MFGE8: variants seen among roughly 807,000 people sequenced by gnomAD.
MFGE8 encodes lactadherin.
MFGE8 carries 34 observed loss-of-function variants against 42.6 expected under a neutral mutation model. The ratio of observed to expected loss-of-function variants is 0.80; its 90% CI spans 0.61 to 1.06. The LOEUF (loss-of-function observed/expected upper bound fraction) is 1.06, where lower values mean the gene tolerates loss of function less well. MFGE8 is among the 50% of genes least tolerant of loss of function. The probability of loss-of-function intolerance (pLI) is 0.00; values close to 1 mark genes in which losing one functional copy is unlikely to be tolerated. For missense variants in MFGE8, 510 were observed against 516.9 expected (o/e 0.99, Z 0.13); for synonymous variants, 230 against 214.8 (o/e 1.07, Z -0.62).
At chr15:88,912,322 G>A in intron 1 of MFGE8, 1 of 1,264,058 alleles carries the variant, frequency 7.9e-7, no homozygotes, top group Non-Finnish European at 1.0e-6. Context: ...GGCCGGGGAG[G>A]GCCAGGAGCT....
rs775954385 is a variant in MFGE8, at chr15:88,905,929, A to G, written c.541-28T>C. The stretch of plus-strand genomic sequence containing the variant: ...AGCAGGGAAGGGACAAGACTGGAGA[A>G]GGGGGTCCATCTGAGCAGTCCCCCT... On this transcript the variant is annotated intron_variant, in intron 4 of 7. Transcript: ENST00000268150. This position sits in a 1 kb window ranked among gnomAD's most constrained non-coding sequence, Gnocchi z 6.6. The G allele has an allele frequency of 1.2e-5, 20 of 1,614,034 alleles. No homozygotes were observed. The highest frequency in any genetic ancestry group is 1.7e-5 in the Non-Finnish European group (20 of 1,179,908).
Position 88,899,216 on chromosome 15 carries a change from A to G in MFGE8, c.*179T>C. 1.2e-6 allele frequency: 1 copy of G among 800,164 alleles called. No individual in the cohort carries two copies. Among genetic ancestry groups the G allele is most frequent in the Non-Finnish European group, 2.0e-6 (1 of 501,410 alleles). The allele number at this position is 800,164 out of a possible 1,614,324, so 49.6% of individuals were successfully genotyped here. Reference sequence around the variant, plus strand: ...GGGGACGGGGCTTAGGGGCTGGGGCAGGGCCCGTGAGAGGTGGAGGGTGGG... The same window carrying G: ...GGGGACGGGGCTTAGGGGCTGGGGCGGGGCCCGTGAGAGGTGGAGGGTGGG... On this transcript the variant is annotated 3_prime_UTR_variant, in exon 8 of 8. Coordinates refer to ENST00000268150, the MANE Select transcript of MFGE8 (RefSeq NM_005928.4). This position sits in a 1 kb window ranked among gnomAD's most constrained non-coding sequence, Gnocchi z 6.8.
At position 88,912,071 on chromosome 15, in the gene MFGE8, G is replaced by T. The variant is rs959380444; in HGVS notation, c.73+1176C>A. 3 of 1,271,206 alleles carry T rather than the reference G, an allele frequency of 2.4e-6. No homozygotes were observed. In the Admixed American group the frequency reaches 6.9e-5, roughly 29 times the overall value. The allele number at this position is 1,271,206 out of a possible 1,614,324, so 78.7% of individuals were successfully genotyped here. On this transcript the variant is annotated intron_variant, in intron 1 of 7. Coordinates refer to ENST00000268150, the MANE Select transcript of MFGE8 (RefSeq NM_005928.4). The stretch of plus-strand genomic sequence containing the variant: ...TCCCTACACTGCTCCAGGGCAAAAC[G>T]GTCCAGTGGGAAAAAGGGAAAGGGA...
chr15:88,907,930 C>A (rs1898776569), intron 2 of MFGE8, among the ~76,000 whole-genome samples: 1 of 152,182 alleles, frequency 6.6e-6, no homozygotes, highest in African/African-American at 2.4e-5. Flanking sequence ...GTGAACAGTA[C>A]CAGCACTGTA....
rs1282742110 is a variant in MFGE8, at chr15:88,901,285, ATT to A, written c.870+264_870+265del. On this transcript the variant is annotated intron_variant, in intron 6 of 7. Coordinates refer to ENST00000268150, the MANE Select transcript of MFGE8 (RefSeq NM_005928.4). ...CACGCACGCATTCACACACACTCACATTCACACACATTCACACACTCACACAC... is the reference window on the plus strand; with the variant it reads ...CACGCACGCATTCACACACACTCACACACACACATTCACACACTCACACAC... Among the ~76,000 whole-genome samples the A allele has an allele frequency of 1.2e-4, 17 of 141,026 alleles. 1 individual carries two copies. The highest frequency in any genetic ancestry group is 7.0e-4 in the South Asian group (3 of 4,292). The allele number at this position is 141,026 out of a possible 152,430, so 92.5% of individuals were successfully genotyped here. A position where few individuals can be genotyped will look rare whatever the true frequency, so the allele number is the denominator to read the frequency against.
chr15:88,909,738 T>C, intron 2 of MFGE8, 54 bp downstream of exon 2: 3 of 1,611,140 alleles, frequency 1.9e-6, no homozygotes, highest in Admixed American at 1.7e-5. Context: ...CCACCAGGGC[T>C]GTGGCTCAGG....
Position 88,906,691 on chromosome 15 carries a change from T to C in MFGE8, c.475A>G (p.Lys159Glu), listed in dbSNP as rs1442317274. The C allele has an allele frequency of 6.2e-7, 1 of 1,613,970 alleles. No homozygotes were observed. The highest frequency in any genetic ancestry group is 8.5e-7 in the Non-Finnish European group (1 of 1,179,948). The change falls in exon 4 of 8, where the codon AAG becomes GAG. Residue 159 changes from lysine (K) to glutamate (E), a missense_variant. Coordinates refer to ENST00000268150, the MANE Select transcript of MFGE8 (RefSeq NM_005928.4). This position sits in a 1 kb window ranked among gnomAD's most constrained non-coding sequence, Gnocchi z 4.2. ...TGTCCATTAAGGCTGTAGGCCACCT[T>C]GAAGGCCTTCAGGTACTCATGACTG... is the stretch of plus-strand genomic sequence containing the variant. Reference protein sequence around the residue: ...LASHEYLKAFKVAYSLNGHEF... With the variant: ...LASHEYLKAFEVAYSLNGHEF...
Position 88,906,290 on chromosome 15 carries a change from A to AT in MFGE8, c.540+335dup. ...TACTGTGAATGGTGCCTGCTTAGCA[A>AT]TGACATCCTTGAGCAGTGTACAACC... On this transcript the variant is annotated intron_variant, in intron 4 of 7. Coordinates refer to ENST00000268150, the MANE Select transcript of MFGE8 (RefSeq NM_005928.4). This position sits in a 1 kb window ranked among gnomAD's most constrained non-coding sequence, Gnocchi z 4.2. 1 of 453,062 alleles carries AT rather than the reference A, an allele frequency of 2.2e-6. No homozygotes were observed. Among genetic ancestry groups the AT allele is most frequent in the South Asian group, 2.1e-5 (1 of 47,538 alleles). The allele number at this position is 453,062 out of a possible 1,614,324, so 28.1% of individuals were successfully genotyped here. A position where few individuals can be genotyped will look rare whatever the true frequency, so the allele number is the denominator to read the frequency against.
At position 88,902,532 on chromosome 15, in the gene MFGE8, C is replaced by T. The variant is rs3743391; in HGVS notation, c.686-797G>A. ...CTCTATTTCCATTCCCCAGAAGCCC[C>T]CTGACTTAGTGTCTCCCAGAGGGCC... is the stretch of plus-strand genomic sequence containing the variant. On this transcript the variant is annotated intron_variant, in intron 5 of 7. Coordinates refer to ENST00000268150, the MANE Select transcript of MFGE8 (RefSeq NM_005928.4). This position sits in a 1 kb window ranked among gnomAD's most constrained non-coding sequence, Gnocchi z 4.3. 6,356 of 152,336 alleles carry T rather than the reference C, an allele frequency of 0.042. 215 individuals are homozygous for T. Among genetic ancestry groups the T allele is most frequent in the East Asian group, 0.16 (803 of 5,162 alleles). 9.4% of individuals were successfully genotyped at this position (152,336 alleles called of 1,614,324 possible). A position where few individuals can be genotyped will look rare whatever the true frequency, so the allele number is the denominator to read the frequency against.
intron 1 of MFGE8, among the ~76,000 whole-genome samples, chr15:88,911,578 C>A (rs1258953142): frequency 6.6e-6 from 1 of 151,810 alleles, no homozygotes; most frequent in Non-Finnish European, 1.5e-5. Context: ...AAAAATTAGC[C>A]GGGCCGGGCG....
chr15:88,913,049 G>A (rs1596207716), intron 1 of MFGE8, 198 bp downstream of exon 1: 11 of 985,342 alleles, frequency 1.1e-5, no homozygotes, highest in African/African-American at 3.5e-5. Context: ...CAGCCCAAAA[G>A]CCCCAGCGCA....
At chr15:88,901,349 C>A in intron 6 of MFGE8, among the ~76,000 whole-genome samples, 1 of 151,806 alleles carries the variant, frequency 6.6e-6, no homozygotes, top group Non-Finnish European at 1.5e-5. Flanking sequence ...ACACACACAC[C>A]CTTTCTCCAC....
chr15:88,907,763 C>T (rs1486285705), intron 2 of MFGE8, among the ~76,000 whole-genome samples: 1 of 151,796 alleles, frequency 6.6e-6, no homozygotes, highest in Non-Finnish European at 1.5e-5. Context: ...TGGCAGCAAT[C>T]AGTCTGGTGC....
chr15:88,911,507 G>C (rs969517444), intron 1 of MFGE8, among the ~76,000 whole-genome samples: 1 of 152,158 alleles, frequency 6.6e-6, no homozygotes, highest in Non-Finnish European at 1.5e-5. Context: ...AGGATCATGA[G>C]GTCAGGAGAT....
At chr15:88,901,140 C>T (rs1460501324) in intron 6 of MFGE8, among the ~76,000 whole-genome samples, 1 of 114,168 alleles carries the variant, frequency 8.8e-6, no homozygotes, top group African/African-American at 3.1e-5. Flanking sequence ...CACACATTCA[C>T]ACACACATTC....
chr15:88,905,701 G>A lies in MFGE8; in HGVS notation c.685+56C>T. On this transcript the variant is annotated intron_variant, in intron 5 of 7. Transcript: ENST00000268150. This position sits in a 1 kb window ranked among gnomAD's most constrained non-coding sequence, Gnocchi z 6.6. ...GGCTGAGAAAAGAGGCAGCAGGGAG[G>A]GCCACCTCCTAGGATTGGCCAACAG... 5 of 1,610,418 alleles carry A rather than the reference G, an allele frequency of 3.1e-6. No individual in the cohort carries two copies. Among genetic ancestry groups the A allele is most frequent in the Non-Finnish European group, 4.2e-6 (5 of 1,177,936 alleles).
Position 88,899,480 on chromosome 15 carries a change from G to C in MFGE8, c.1079C>G (p.Thr360Arg), listed in dbSNP as rs775984272. Reference protein sequence around the residue: ...NHSHKKNLFETPILARYVRIL... With the variant: ...NHSHKKNLFERPILARYVRIL... ...GCGCACATAGCGAGCCAGGATGGGC[G>C]TCTCAAACAAGTTCTTCTTGTGGGA... The change falls in exon 8 of 8, where the codon ACG (threonine) becomes AGG (arginine). Residue 360 changes from threonine (T) to arginine (R), a missense_variant. By Grantham distance (71) the Thr-to-Arg change is moderately conservative (BLOSUM62 -1). Coordinates refer to ENST00000268150, the MANE Select transcript of MFGE8 (RefSeq NM_005928.4). The surrounding 1 kb of genome is among the most constrained non-coding windows in gnomAD (Gnocchi z 6.8). 6.2e-7 allele frequency: 1 copy of C among 1,614,080 alleles called. No individual in the cohort carries two copies. The highest frequency in any genetic ancestry group is 8.5e-7 in the Non-Finnish European group (1 of 1,180,036).
chr15:88,908,646 C>T lies in MFGE8; in HGVS notation c.205+1146G>A, dbSNP rs531865826. The stretch of plus-strand genomic sequence containing the variant: ...AAGGTGGGTAATTCCCACTCAGGCA[C>T]ACTCACTGTTACCTCAGCTCCCAGG... On this transcript the variant is annotated intron_variant, in intron 2 of 7. Transcript: ENST00000268150. 1.1e-4 allele frequency among the ~76,000 whole-genome samples: 16 copies of T among 152,272 alleles called. No individual in the cohort carries two copies. In the South Asian group the frequency reaches 1.9e-3, roughly 18 times the overall value.
intron 5 of MFGE8, chr15:88,905,000 C>G (rs935228237): frequency 2.1e-4 from 33 of 160,602 alleles, no homozygotes; most frequent in Non-Finnish European, 3.1e-4. Context: ...TGGGCTGAGA[C>G]AATTAATGTC....
Sources: gnomAD v4.1 joint callset for allele counts (sites outside exome capture counted in the v4.1 genomes callset) on GRCh38, gnomAD v4.1.1 for gene constraint, Gnocchi (gnomAD v3.1) non-coding constraint, MANE v1.5 for transcripts, NCBI Gene and HGNC (gene_info 2026-07-23, HGNC 2026-07-21) for gene names.